PTPRD: variants seen among roughly 807,000 people sequenced by gnomAD.
The protein encoded by PTPRD is protein tyrosine phosphatase receptor type D.
Under a neutral mutation model 214.5 loss-of-function variants are expected in PTPRD, and 34 were observed. That is an observed-to-expected ratio of 0.16 (90% CI 0.12 to 0.21). The LOEUF (loss-of-function observed/expected upper bound fraction) is 0.21. Ranked by LOEUF, PTPRD falls within the 10% of genes least tolerant of loss-of-function variation. The pLI is 1.00. For missense variants in PTPRD, 2,545 were observed against 2,398.7 expected, an observed-to-expected ratio of 1.06 and a Z score of -1.27; for synonymous variants, 1,128 against 845.7, an observed-to-expected ratio of 1.33 and a Z score of -5.79.
At chr9:8,390,085 T>C (rs1278224295) in intron 36 of PTPRD, among the ~76,000 whole-genome samples, 2 of 152,182 alleles carry the variant, frequency 1.3e-5, no homozygotes, top group East Asian at 1.9e-4. Context: ...AAGCAGCACA[T>C]GAACCTCCTG....
At chr9:10,366,029 C>A (rs180717605) in intron 2 of PTPRD, among the ~76,000 whole-genome samples, 13 of 152,234 alleles carry the variant, frequency 8.5e-5, no homozygotes, top group African/African-American at 2.9e-4. Flanking sequence ...AAGGAAAAGC[C>A]ATTCATGTTG....
intron 5 of PTPRD, among the ~76,000 whole-genome samples, chr9:9,774,972 T>C (rs750514699): frequency 5.3e-5 from 8 of 152,160 alleles, no homozygotes; most frequent in African/African-American, 1.2e-4. Context: ...AGCTCTGACA[T>C]TATGCTGGGT....
intron 4 of PTPRD, among the ~76,000 whole-genome samples, chr9:10,017,463 A>G (rs1204238262): frequency 1.3e-5 from 2 of 152,040 alleles, no homozygotes; most frequent in African/African-American, 4.8e-5. Context: ...CTTTTCCTTC[A>G]TGGATTATAC....
chr9:10,432,453 T>C (rs374345410), intron 2 of PTPRD, among the ~76,000 whole-genome samples: 59 of 151,104 alleles, frequency 3.9e-4, no homozygotes, highest in African/African-American at 1.4e-3. Context: ...AAAAGAAAGG[T>C]TTCTTTCCAA....
intron 3 of PTPRD, among the ~76,000 whole-genome samples, chr9:10,211,755 C>T (rs540882420): frequency 1.3e-5 from 2 of 152,116 alleles, no homozygotes; most frequent in African/African-American, 4.8e-5. Context: ...AGTGTGCAAA[C>T]ATGGACATAG....
rs184253304 is a variant in PTPRD at position 10,135,522 on chromosome 9, A to C, written c.-544-101732T>G. The stretch of plus-strand genomic sequence containing the variant: ...ACAAAGAAAACTCCTTCAGGCTAAC[A>C]GTGGACCTCTCAGCAGGAACATTAC... On this transcript the variant is annotated intron_variant, in intron 3 of 45. Coordinates refer to ENST00000381196, the MANE Select transcript of PTPRD (RefSeq NM_002839.4). Among the ~76,000 whole-genome samples the C allele has an allele frequency of 7.2e-5, 11 of 152,262 alleles. No individual in the cohort carries two copies. In the East Asian group the frequency reaches 1.7e-3, roughly 24 times the overall value.
intron 3 of PTPRD, among the ~76,000 whole-genome samples, chr9:10,161,631 T>C (rs73396365): frequency 1.3e-5 from 2 of 151,876 alleles, no homozygotes; most frequent in African/African-American, 4.8e-5. Context: ...AGGGCAATGG[T>C]TTGGGCAAAG....
rs751451258 is a variant in PTPRD, at chr9:8,500,916, C to T, written c.1966G>A (p.Asp656Asn). The T allele has an allele frequency of 1.9e-6, 3 of 1,614,140 alleles. No homozygotes were observed. Among genetic ancestry groups the T allele is most frequent in the Non-Finnish European group, 2.5e-6 (3 of 1,180,018 alleles). The change falls in exon 24 of 46, where the codon GAT (aspartate) becomes AAT (asparagine). Residue 656 changes from aspartate (D) to asparagine (N), a missense_variant. By Grantham distance (23) the Asp-to-Asn change is conservative. Coordinates refer to ENST00000381196, the MANE Select transcript of PTPRD (RefSeq NM_002839.4). ...CCCAAAATCTCGTGAGGCTTGTCAT[C>T]TTCCCCATCCACTGCAGTGTACTTG... ...SIKYTAVDGE[D>N]DKPHEILGIP...
intron 5 of PTPRD, among the ~76,000 whole-genome samples, chr9:9,925,141 TA>T (rs2083822575): frequency 6.6e-6 from 1 of 152,126 alleles, no homozygotes. Flanking sequence ...AGTACAAAAT[TA>T]AATTATCACA....
chr9:9,853,281 A>G (rs1233809224), intron 5 of PTPRD, among the ~76,000 whole-genome samples: 2 of 152,218 alleles, frequency 1.3e-5, no homozygotes, highest in Admixed American at 6.5e-5. Context: ...GGTGTGTTAC[A>G]GTATAGTTTT....
intron 12 of PTPRD, among the ~76,000 whole-genome samples, chr9:8,658,177 C>G (rs2096952787): frequency 6.6e-6 from 1 of 152,150 alleles, no homozygotes; most frequent in Non-Finnish European, 1.5e-5. Flanking sequence ...AGTGAACACC[C>G]ACAGATAACA....
At chr9:9,869,564 T>C (rs1322976004) in intron 5 of PTPRD, among the ~76,000 whole-genome samples, 2 of 152,074 alleles carry the variant, frequency 1.3e-5, no homozygotes, top group Admixed American at 6.6e-5. Context: ...TGACGGGATA[T>C]AATAGCAAGC....
chr9:9,696,221 C>T (rs769340719), intron 7 of PTPRD, among the ~76,000 whole-genome samples: 2 of 152,074 alleles, frequency 1.3e-5, no homozygotes, highest in Non-Finnish European at 1.5e-5. Context: ...TGTAGCCTAA[C>T]TATAGTCTAT....
intron 11 of PTPRD, among the ~76,000 whole-genome samples, chr9:9,000,117 G>T (rs1269679021): frequency 6.6e-6 from 1 of 151,986 alleles, no homozygotes; most frequent in East Asian, 1.9e-4. Flanking sequence ...CACAAGAGAT[G>T]TGTCTAACAA....
chr9:9,521,508 T>G (rs1485954783), intron 8 of PTPRD, among the ~76,000 whole-genome samples: 2 of 152,196 alleles, frequency 1.3e-5, no homozygotes, highest in Non-Finnish European at 2.9e-5. Context: ...AACCTTACTG[T>G]TCTTTCCAAG....
chr9:8,713,255 T>C, intron 12 of PTPRD: 1 of 644,378 alleles, frequency 1.6e-6, no homozygotes, highest in Non-Finnish European at 2.8e-6. Context: ...AATTGTCCAC[T>C]TAAAATCTTT....
intron 2 of PTPRD, among the ~76,000 whole-genome samples, chr9:10,520,632 A>C (rs796729079): frequency 3.3e-5 from 5 of 152,294 alleles, no homozygotes; most frequent in African/African-American, 1.2e-4. Context: ...AGAGAAGGGA[A>C]GTCGATGCTT....
intron 15 of PTPRD, among the ~76,000 whole-genome samples, chr9:8,527,635 A>AAT (rs1216127196): frequency 5.3e-5 from 8 of 152,138 alleles, no homozygotes; most frequent in Non-Finnish European, 8.8e-5. Context: ...ATTCTATACC[A>AAT]ATATTACTAC....
At chr9:10,430,841 A>G (rs1357485074) in intron 2 of PTPRD, among the ~76,000 whole-genome samples, 3 of 151,994 alleles carry the variant, frequency 2.0e-5, no homozygotes, top group Admixed American at 6.6e-5. Context: ...CCCCTTTTTT[A>G]TCCCTGATGT....
Sources: allele counts gnomAD v4.1 joint callset (sites outside exome capture counted in the v4.1 genomes callset), GRCh38; gene constraint gnomAD v4.1.1; transcripts MANE v1.5; gene names NCBI Gene and HGNC (gene_info 2026-07-23, HGNC 2026-07-21).